PSTPIP2: variants seen among roughly 807,000 people sequenced by gnomAD.
PSTPIP2 encodes the protein proline-serine-threonine phosphatase interacting protein 2, also known as proline-serine-threonine phosphatase-interacting protein 2.
PSTPIP2 carries 33 observed loss-of-function variants against 63.3 expected under a neutral mutation model. That is an observed-to-expected ratio of 0.52 (90% confidence interval 0.40 to 0.70). PSTPIP2 has a LOEUF of 0.70. Among genes scored for constraint, PSTPIP2 ranks in the 30% least tolerant of loss-of-function variants. The pLI, the probability that PSTPIP2 is intolerant of heterozygous loss-of-function variation, is 0.00. For synonymous variants in PSTPIP2, 125 were observed against 132.7 expected (o/e 0.94, Z 0.40); for missense variants, 312 against 400.7 (o/e 0.78, Z 1.89).
intron 1 of PSTPIP2, among the ~76,000 whole-genome samples, chr18:46,045,441 C>A (rs888479644): frequency 2.6e-5 from 4 of 151,840 alleles, no homozygotes; most frequent in Non-Finnish European, 5.9e-5. Flanking sequence ...TATTGTCACT[C>A]ACAGGTGGGA....
At chr18:45,999,815 G>C (rs745731279) in intron 6 of PSTPIP2, among the ~76,000 whole-genome samples, 4 of 152,156 alleles carry the variant, frequency 2.6e-5, no homozygotes, top group Non-Finnish European at 4.4e-5. Context: ...CTTTAAAAAT[G>C]GACTGAAACG....
At chr18:46,032,752 G>A (rs1907827173) in intron 2 of PSTPIP2, among the ~76,000 whole-genome samples, 1 of 59,048 alleles carries the variant, frequency 1.7e-5, no homozygotes, top group South Asian at 5.2e-4. Flanking sequence ...AAAACTCTGT[G>A]TCAAAAAAAA....
At chr18:46,069,339 A>G (rs1316950417) in intron 1 of PSTPIP2, among the ~76,000 whole-genome samples, 1 of 152,206 alleles carries the variant, frequency 6.6e-6, no homozygotes, top group Non-Finnish European at 1.5e-5. Flanking sequence ...GACAAGATAC[A>G]ATCAAAGTTA....
chr18:46,027,051 T>C (rs750842206), intron 2 of PSTPIP2, among the ~76,000 whole-genome samples: 9 of 152,170 alleles, frequency 5.9e-5, no homozygotes, highest in Non-Finnish European at 1.3e-4. Flanking sequence ...TCCCAGTACT[T>C]TGGGAGGCCA....
At chr18:46,055,912 T>A (rs151265478) in intron 1 of PSTPIP2, among the ~76,000 whole-genome samples, 35 of 152,340 alleles carry the variant, frequency 2.3e-4, no homozygotes, top group Non-Finnish European at 4.6e-4. Context: ...AAAATAAAGG[T>A]AGAGAAAGCA....
chr18:46,037,973 T>TTAGC (rs1217401645), intron 2 of PSTPIP2, among the ~76,000 whole-genome samples: 12 of 152,268 alleles, frequency 7.9e-5, no homozygotes, highest in Non-Finnish European at 1.8e-4. Flanking sequence ...AAGCGAGATC[T>TTAGC]TAGCTTTGGG....
chr18:46,047,646 C>A (rs572751211), intron 1 of PSTPIP2, among the ~76,000 whole-genome samples: 1 of 152,014 alleles, frequency 6.6e-6, no homozygotes, highest in African/African-American at 2.4e-5. Context: ...GCCGAAGTCA[C>A]GCCTTTGCAC....
chr18:45,993,696 T>C lies in PSTPIP2; in HGVS notation c.650A>G (p.Glu217Gly). ...GTTTATTCGTTCACATTCTTGAGCC[T>C]CAAATGCCTACAGAAAAATAGCTAC... ...SEHIKACEAF[E>G]AQECERINFF... is the part of the protein sequence containing the mutation. The change falls in exon 10 of 15, where the codon GAG becomes GGG. Residue 217 changes from glutamate to glycine, a missense_variant. By Grantham distance (98) the Glu-to-Gly change is moderately conservative. Coordinates refer to ENST00000409746, the MANE Select transcript of PSTPIP2 (RefSeq NM_024430.4). 8 of 1,613,930 alleles carry C rather than the reference T, an allele frequency of 5.0e-6. No homozygotes were observed. Among genetic ancestry groups the C allele is most frequent in the Non-Finnish European group, 5.9e-6 (7 of 1,179,840 alleles).
At chr18:46,019,995 A>G (rs1266839462) in intron 3 of PSTPIP2, among the ~76,000 whole-genome samples, 1 of 152,220 alleles carries the variant, frequency 6.6e-6, no homozygotes, top group Non-Finnish European at 1.5e-5. Context: ...CCTTACAGCT[A>G]AATTGTCTGT....
intron 12 of PSTPIP2, 101 bp downstream of exon 12, chr18:45,991,801 C>T (rs2051536339): frequency 2.1e-5 from 24 of 1,116,726 alleles, no homozygotes; most frequent in Non-Finnish European, 2.8e-5. Context: ...TAAGCAGATG[C>T]AGTAGTAGAT....
chr18:46,039,928 G>A lies in PSTPIP2; in HGVS notation c.134+19C>T. 1.3e-6 allele frequency: 2 copies of A among 1,589,164 alleles called. No homozygotes were observed. Among genetic ancestry groups the A allele is most frequent in the South Asian group, 1.1e-5 (1 of 90,490 alleles). On this transcript the variant is annotated intron_variant, in intron 2 of 14. Transcript: ENST00000409746. Reference sequence around the variant, plus strand: ...CATCTTGGCCCACCCTCTTCAGAGAGGACAGAGCATCATCGTACCTTTCTT... The same window carrying A: ...CATCTTGGCCCACCCTCTTCAGAGAAGACAGAGCATCATCGTACCTTTCTT...
At chr18:46,021,520 T>A (rs80051740) in intron 3 of PSTPIP2, among the ~76,000 whole-genome samples, 2,341 of 151,490 alleles carry the variant, frequency 0.015, 65 homozygotes, top group African/African-American at 0.053. Context: ...AACATAAAAT[T>A]TTAAACATTA....
chr18:45,998,687 T>C (rs929381963), intron 8 of PSTPIP2, 107 bp downstream of exon 8: 2 of 1,119,686 alleles, frequency 1.8e-6, no homozygotes, highest in Non-Finnish European at 2.6e-6. Context: ...TGAATATCCA[T>C]ATATTCTCTC....
chr18:46,028,902 A>T, intron 2 of PSTPIP2: 1 of 1,563,214 alleles, frequency 6.4e-7, no homozygotes. Flanking sequence ...CTTCTCTTCC[A>T]AGAGGAATCC....
rs186800031 is a variant in PSTPIP2 at position 46,064,983 on chromosome 18, A to G, written c.33+7173T>C. Among the ~76,000 whole-genome samples the G allele has an allele frequency of 1.5e-3, 229 of 151,828 alleles. 1 individual carries two copies. Among genetic ancestry groups the G allele is most frequent in the Non-Finnish European group, 2.7e-3 (185 of 67,932 alleles). ...AACATGGAAAAACCTCATCTCTACT[A>G]AAAATACAAAATTAGCCAGGCATGG... On this transcript the variant is annotated intron_variant, in intron 1 of 14. Coordinates refer to ENST00000409746, the MANE Select transcript of PSTPIP2 (RefSeq NM_024430.4).
chr18:45,991,789 A>G, intron 12 of PSTPIP2, 113 bp downstream of exon 12: 1 of 1,033,542 alleles, frequency 9.7e-7, no homozygotes, highest in Non-Finnish European at 1.4e-6. Context: ...AAGCAGCCTT[A>G]TTAAGCAGAT....
intron 3 of PSTPIP2, chr18:46,016,165 CA>C: frequency 1.9e-6 from 1 of 519,102 alleles, no homozygotes; most frequent in Non-Finnish European, 3.5e-6. Context: ...AGCAACATGC[CA>C]AAACTCTTTG....
intron 2 of PSTPIP2, chr18:46,029,106 G>C (rs1305208104): frequency 1.2e-6 from 1 of 821,438 alleles, no homozygotes; most frequent in Non-Finnish European, 2.2e-6. Flanking sequence ...AAACTGTAAG[G>C]CTTATTTTAG....
At chr18:46,011,953 C>A (rs2051800981) in intron 4 of PSTPIP2, among the ~76,000 whole-genome samples, 1 of 152,116 alleles carries the variant, frequency 6.6e-6, no homozygotes, top group Non-Finnish European at 1.5e-5. Flanking sequence ...GTATCAAAAC[C>A]TTGAAGAAGG....
Sources: gnomAD v4.1 joint callset for allele counts (sites outside exome capture counted in the v4.1 genomes callset) on GRCh38, gnomAD v4.1.1 for gene constraint, MANE v1.5 for transcripts, NCBI Gene and HGNC (gene_info 2026-07-23, HGNC 2026-07-21) for gene names.